PIK3CA: variants seen among roughly 807,000 people sequenced by gnomAD.
PIK3CA encodes the protein phosphatidylinositol-4,5-bisphosphate 3-kinase catalytic subunit alpha.
A neutral mutation model predicts 138.2 loss-of-function variants in PIK3CA; 27 were observed. The observed-to-expected ratio is 0.20, with a 90% CI of 0.14 to 0.27. The LOEUF (loss-of-function observed/expected upper bound fraction) is 0.27. Ranked by LOEUF, PIK3CA falls within the 10% of genes least tolerant of loss-of-function variation. The pLI, the probability that PIK3CA is intolerant of heterozygous loss-of-function variation, is 1.00. For synonymous variants in PIK3CA, 358 were observed against 413.2 expected, an observed-to-expected ratio of 0.87 and a Z score of 1.62; for missense variants, 544 against 1,277.4, an observed-to-expected ratio of 0.43 and a Z score of 8.75.
chr3:179,155,388 G>C (rs1465400999), intron 1 of PIK3CA, among the ~76,000 whole-genome samples: 1 of 152,172 alleles, frequency 6.6e-6, no homozygotes, highest in Non-Finnish European at 1.5e-5. Flanking sequence ...GTAAATTGCT[G>C]TGTGCCAGTC....
In PIK3CA at chr3:179,238,329, TATTAC is replaced by T. The variant is rs1725371085; in HGVS notation, c.*3970_*3974del. The stretch of plus-strand genomic sequence containing the variant: ...AAATATAAACAATACCATTTTTAAT[TATTAC>T]ATTAAAAATTGTAAATATATCTATG... On this transcript the variant is annotated 3_prime_UTR_variant, in exon 21 of 21. Transcript: ENST00000263967. 4.7e-6 allele frequency: 1 copy of T among 214,526 alleles called. No individual in the cohort carries two copies. The highest frequency in any genetic ancestry group is 2.3e-5 in the African/African-American group (1 of 44,264). The allele number at this position is 214,526 out of a possible 1,614,324, so 13.3% of individuals were successfully genotyped here. A position where few individuals can be genotyped will look rare whatever the true frequency, so the allele number is the denominator to read the frequency against.
intron 1 of PIK3CA, among the ~76,000 whole-genome samples, chr3:179,170,496 T>C (rs1014498074): frequency 1.3e-5 from 2 of 152,234 alleles, no homozygotes; most frequent in South Asian, 4.1e-4. Flanking sequence ...ATGCTTTCAT[T>C]TTAAATATCT....
chr3:179,209,766 AT>A (rs1724659957), intron 7 of PIK3CA, 66 bp downstream of exon 7: 8 of 803,494 alleles, frequency 1.0e-5, no homozygotes, highest in Admixed American at 5.1e-5. Flanking sequence ...CGCTGATTGA[AT>A]TTTTTCACAA....
At chr3:179,176,984 A>G (rs927325503) in intron 1 of PIK3CA, among the ~76,000 whole-genome samples, 10 of 152,132 alleles carry the variant, frequency 6.6e-5, no homozygotes, top group Non-Finnish European at 1.2e-4. Flanking sequence ...TTTTTTCAGT[A>G]TGGTAGGTTT....
intron 9 of PIK3CA, among the ~76,000 whole-genome samples, chr3:179,215,682 AC>A: frequency 6.6e-6 from 1 of 152,164 alleles, no homozygotes; most frequent in Non-Finnish European, 1.5e-5. Flanking sequence ...AAGTCTGCAG[AC>A]ACTGTCTTTG....
chr3:179,215,696 A>AT (rs1224645516), intron 9 of PIK3CA, among the ~76,000 whole-genome samples: 1 of 151,998 alleles, frequency 6.6e-6, no homozygotes, highest in Non-Finnish European at 1.5e-5. Flanking sequence ...TGTCTTTGTA[A>AT]TTTTTTTGTT....
At chr3:179,151,207 C>T (rs915017945) in intron 1 of PIK3CA, among the ~76,000 whole-genome samples, 1 of 152,202 alleles carries the variant, frequency 6.6e-6, no homozygotes, top group African/African-American at 2.4e-5. Context: ...GCTATATTAA[C>T]AGTGCCGTAG....
At chr3:179,209,003 T>TATATATTC (rs1254689964) in intron 6 of PIK3CA, among the ~76,000 whole-genome samples, 1 of 83,146 alleles carries the variant, frequency 1.2e-5, no homozygotes, top group African/African-American at 7.3e-5. Flanking sequence ...AAATAATAAA[T>TATATATTC]ATATATTTAT....
rs1725292484 is a variant in PIK3CA, at chr3:179,234,643, G to C, written c.*279G>C. ...AAAAGGTAAACTTTGAAGATTGTTT[G>C]TATCTTTTTTTAAAAAACAAAACAA... On this transcript the variant is annotated 3_prime_UTR_variant, in exon 21 of 21. Coordinates refer to ENST00000263967, the MANE Select transcript of PIK3CA (RefSeq NM_006218.4). The surrounding 1 kb of genome is among the most constrained non-coding windows in gnomAD (Gnocchi z 5.1). The C allele has an allele frequency of 1.0e-5, 3 of 289,412 alleles. No individual in the cohort carries two copies. Among genetic ancestry groups the C allele is most frequent in the Non-Finnish European group, 1.3e-5 (2 of 156,972 alleles). The allele number at this position is 289,412 out of a possible 1,614,324, so 17.9% of individuals were successfully genotyped here.
At chr3:179,206,087 T>C (rs1322302793) in intron 6 of PIK3CA, among the ~76,000 whole-genome samples, 1 of 53,186 alleles carries the variant, frequency 1.9e-5, no homozygotes, top group East Asian at 2.8e-4. Flanking sequence ...CTTCAGGATC[T>C]TTTTTTTTTT....
chr3:179,217,021 T>A (rs942236153), intron 9 of PIK3CA, among the ~76,000 whole-genome samples: 1 of 152,166 alleles, frequency 6.6e-6, no homozygotes, highest in Admixed American at 6.6e-5. Context: ...CCCAACTTTA[T>A]ACCCTGTTCG....
At chr3:179,228,802 A>G (rs1036013653) in intron 17 of PIK3CA, among the ~76,000 whole-genome samples, 4 of 151,962 alleles carry the variant, frequency 2.6e-5, no homozygotes, top group African/African-American at 9.7e-5. Flanking sequence ...TAAAATTTTT[A>G]TTTTCCCTAT....
chr3:179,169,650 A>G (rs1723502061), intron 1 of PIK3CA, among the ~76,000 whole-genome samples: 1 of 152,172 alleles, frequency 6.6e-6, no homozygotes, highest in Non-Finnish European at 1.5e-5. Context: ...TTCTGAACTC[A>G]GTTCTGTTCT....
In PIK3CA at chr3:179,237,416, G is replaced by A. The variant is rs2108432704; in HGVS notation, c.*3052G>A. ...GAACCTGGTGAATATATAATGAATT[G>A]TAAAATATTTTAATGTGTAACTTTT... is the stretch of plus-strand genomic sequence containing the variant. On this transcript the variant is annotated 3_prime_UTR_variant, in exon 21 of 21. Transcript: ENST00000263967. 2 of 197,300 alleles carry A rather than the reference G, an allele frequency of 1.0e-5. No homozygotes were observed. The highest frequency in any genetic ancestry group is 3.9e-4 in the South Asian group (2 of 5,168). 12.2% of individuals were successfully genotyped at this position (197,300 alleles called of 1,614,324 possible). A position where few individuals can be genotyped will look rare whatever the true frequency, so the allele number is the denominator to read the frequency against.
At chr3:179,195,253 T>A (rs1724237419) in intron 1 of PIK3CA, among the ~76,000 whole-genome samples, 1 of 149,218 alleles carries the variant, frequency 6.7e-6, no homozygotes, top group Non-Finnish European at 1.5e-5. Context: ...TTACTTGCCT[T>A]CTCGGTGAAA....
At position 179,219,758 on chromosome 3, in the gene PIK3CA, A is replaced by G; in HGVS notation, c.1911+23A>G. On this transcript the variant is annotated intron_variant, in intron 12 of 20. Transcript: ENST00000263967. This position sits in a 1 kb window ranked among gnomAD's most constrained non-coding sequence, Gnocchi z 4.2. The stretch of plus-strand genomic sequence containing the variant: ...CAGGTAAAATAATGTAAAATAGTAA[A>G]TAATGTTTAATTACAATAATAATTT... The G allele has an allele frequency of 7.0e-7, 1 of 1,422,086 alleles. No individual in the cohort carries two copies. Among genetic ancestry groups the G allele is most frequent in the Non-Finnish European group, 9.7e-7 (1 of 1,030,506 alleles). 88.1% of individuals were successfully genotyped at this position (1,422,086 alleles called of 1,614,324 possible). A position where few individuals can be genotyped will look rare whatever the true frequency, so the allele number is the denominator to read the frequency against.
At chr3:179,232,084 T>C (rs946575581) in intron 20 of PIK3CA, among the ~76,000 whole-genome samples, 1 of 152,200 alleles carries the variant, frequency 6.6e-6, no homozygotes, top group African/African-American at 2.4e-5. Context: ...TGATGATTCT[T>C]TCTTTTGTTA....
chr3:179,172,597 CA>C lies in PIK3CA; in HGVS notation c.-77+23999del, dbSNP rs1400206737. 2.6e-5 allele frequency among the ~76,000 whole-genome samples: 4 copies of C among 151,960 alleles called. No homozygotes were observed. The East Asian group carries it at 7.7e-4, about 29-fold the overall frequency. On this transcript the variant is annotated intron_variant, in intron 1 of 20. Coordinates refer to ENST00000263967, the MANE Select transcript of PIK3CA (RefSeq NM_006218.4). ...TTCTAAACACTAGCAATGAACCATC[CA>C]AAAATGAAATTAAAAAACCATTTAC...
At chr3:179,208,567 G>A (rs1724626867) in intron 6 of PIK3CA, among the ~76,000 whole-genome samples, 1 of 152,114 alleles carries the variant, frequency 6.6e-6, no homozygotes, top group Non-Finnish European at 1.5e-5. Flanking sequence ...TGATTTCTGA[G>A]CCCATACTCT....
Sources: allele counts gnomAD v4.1 joint callset (sites outside exome capture counted in the v4.1 genomes callset), GRCh38; gene constraint gnomAD v4.1.1; non-coding constraint Gnocchi (gnomAD v3.1); transcripts MANE v1.5; gene names NCBI Gene and HGNC (gene_info 2026-07-23, HGNC 2026-07-21).